The following POU2F2 variants were observed in gnomAD, a reference collection of about 807,000 sequenced individuals.
POU2F2 encodes the protein POU domain, class 2, transcription factor 2.
In POU2F2, 14 loss-of-function variants were observed where a neutral mutation model predicts 63.5. The ratio of observed to expected loss-of-function variants is 0.22; its 90% confidence interval spans 0.15 to 0.34. The LOEUF (loss-of-function observed/expected upper bound fraction) is 0.34. POU2F2 is among the 10% of genes least tolerant of loss of function. The pLI, the probability that POU2F2 is intolerant of heterozygous loss-of-function variation, is 1.00. For synonymous variants in POU2F2, 306 were observed against 348.6 expected, an observed-to-expected ratio of 0.88 and a Z score of 1.36; for missense variants, 607 against 815.2, an observed-to-expected ratio of 0.74 and a Z score of 3.11.
At chr19:42,158,659 G>A (rs1016787587) in intron 2 of POU2F2, among the ~76,000 whole-genome samples, 2 of 152,144 alleles carry the variant, frequency 1.3e-5, no homozygotes, top group Non-Finnish European at 2.9e-5. Flanking sequence ...GCCCTGTTAC[G>A]TGTTACCAAG....
chr19:42,096,930 T>C lies in POU2F2; in HGVS notation c.568-687A>G, dbSNP rs1419737509. On this transcript the variant is annotated intron_variant, in intron 7 of 14. Coordinates refer to ENST00000692977, the MANE Select transcript of POU2F2 (RefSeq NM_001394376.1). The surrounding 1 kb of genome is among the most constrained non-coding windows in gnomAD (Gnocchi z 4.1). ...TATCTCTATATCTTCCACTCAGTTT[T>C]GCTGTGAATCTAAAACAGCTCTTAA... is the stretch of plus-strand genomic sequence containing the variant. 6.6e-6 allele frequency among the ~76,000 whole-genome samples: 1 copy of C among 152,098 alleles called. No individual in the cohort carries two copies. Among genetic ancestry groups the C allele is most frequent in the Non-Finnish European group, 1.5e-5 (1 of 68,014 alleles).
intron 7 of POU2F2, chr19:42,099,281 C>G (rs1308668050): frequency 8.1e-6 from 4 of 490,894 alleles, no homozygotes; most frequent in Non-Finnish European, 1.5e-5. Context: ...ATCATATTCT[C>G]AAAGGAGCTC....
In POU2F2 at chr19:42,087,139, T is replaced by G. The variant is rs1012265384; in HGVS notation, c.*4118A>C. ...AAAAGGTAGCGGAGTTGTCTGTGGG[T>G]TTTTTTTTTTTTTTAAATGGTTAAA... is the stretch of plus-strand genomic sequence containing the variant. On this transcript the variant is annotated 3_prime_UTR_variant, in exon 15 of 15. Coordinates refer to ENST00000692977, the MANE Select transcript of POU2F2 (RefSeq NM_001394376.1). The G allele has an allele frequency of 1.5e-5, 2 of 133,782 alleles. No homozygotes were observed. Among genetic ancestry groups the G allele is most frequent in the Non-Finnish European group, 3.2e-5 (2 of 63,416 alleles). 8.3% of individuals were successfully genotyped at this position (133,782 alleles called of 1,614,324 possible). A position where few individuals can be genotyped will look rare whatever the true frequency, so the allele number is the denominator to read the frequency against.
intron 2 of POU2F2, among the ~76,000 whole-genome samples, chr19:42,151,181 C>G (rs2034341444): frequency 6.6e-6 from 1 of 152,180 alleles, no homozygotes; most frequent in African/African-American, 2.4e-5. Flanking sequence ...GGGGTCAGGC[C>G]ACGTCCCCTC....
intron 2 of POU2F2, among the ~76,000 whole-genome samples, chr19:42,139,637 A>C (rs543823867): frequency 6.6e-6 from 1 of 152,222 alleles, no homozygotes; most frequent in South Asian, 2.1e-4. Context: ...ATAGGGTTTC[A>C]CCATGTTGGC....
At chr19:42,166,618 G>A (rs1471765235) in intron 1 of POU2F2, among the ~76,000 whole-genome samples, 5 of 152,148 alleles carry the variant, frequency 3.3e-5, no homozygotes, top group Non-Finnish European at 7.3e-5. Flanking sequence ...AGGAGGGGAA[G>A]GGCAGCAGTG....
At chr19:42,091,650 C>T in intron 14 of POU2F2, 59 bp from the exon 15 acceptor site, 1 of 1,546,642 alleles carries the variant, frequency 6.5e-7, no homozygotes, top group African/African-American at 1.4e-5. Flanking sequence ...AGACCTTTGC[C>T]TTCCAGCATC....
intron 2 of POU2F2, among the ~76,000 whole-genome samples, chr19:42,158,975 C>T (rs372105313): frequency 9.2e-5 from 14 of 152,236 alleles, no homozygotes; most frequent in East Asian, 3.9e-4. Context: ...ACACTCTCAG[C>T]GATAACAGGG....
intron 1 of POU2F2, among the ~76,000 whole-genome samples, chr19:42,192,362 C>T (rs1320691906): frequency 6.6e-6 from 1 of 152,132 alleles, no homozygotes; most frequent in African/African-American, 2.4e-5. Context: ...TCTGGGTCCT[C>T]AGTCCCTCTT....
intron 1 of POU2F2, among the ~76,000 whole-genome samples, chr19:42,194,031 T>A (rs1172908459): frequency 1.3e-5 from 2 of 152,172 alleles, no homozygotes; most frequent in Non-Finnish European, 2.9e-5. Context: ...ATGGTATGAT[T>A]CCATTTATAT....
chr19:42,157,217 C>T (rs1400144996), intron 2 of POU2F2: 1 of 152,378 alleles, frequency 6.6e-6, no homozygotes, highest in Non-Finnish European at 1.5e-5. Flanking sequence ...CACCCCTTCC[C>T]ATCCACTCGA....
At chr19:42,132,237 AC>A in intron 1 of POU2F2, 146 bp downstream of exon 1, 1 of 849,872 alleles carries the variant, frequency 1.2e-6, no homozygotes, top group Non-Finnish European at 1.8e-6. Flanking sequence ...GTTAGCGGGG[AC>A]CCGGCATGGG....
Position 42,132,248 on chromosome 19 carries a change from G to C in POU2F2, c.28+136C>G, listed in dbSNP as rs995342803. The C allele has an allele frequency of 1.1e-5, 11 of 977,096 alleles. No homozygotes were observed. In the African/African-American group the frequency reaches 1.7e-4, roughly 15 times the overall value. The allele number at this position is 977,096 out of a possible 1,614,324, so 60.5% of individuals were successfully genotyped here. ...GGGGGTTAGCGGGGACCCGGCATGG[G>C]AGAGAGGGAGTTGCTAGAGTACAGA... On this transcript the variant is annotated intron_variant, in intron 1 of 14. Transcript: ENST00000692977.
Position 42,091,151 on chromosome 19 carries a change from T to C in POU2F2, c.*106A>G, listed in dbSNP as rs2076698249. On this transcript the variant is annotated 3_prime_UTR_variant, in exon 15 of 15. Transcript: ENST00000692977. Reference sequence around the variant, plus strand: ...TTGGTCTTTCCTCCCTTGTCACTCCTGCTCTGAGGACCCTCTGCGTCCCCA... The same window carrying C: ...TTGGTCTTTCCTCCCTTGTCACTCCCGCTCTGAGGACCCTCTGCGTCCCCA... The C allele has an allele frequency of 2.0e-6, 2 of 1,020,942 alleles. No homozygotes were observed. Among genetic ancestry groups the C allele is most frequent in the African/African-American group, 3.3e-5 (2 of 59,808 alleles). The allele number at this position is 1,020,942 out of a possible 1,614,324, so 63.2% of individuals were successfully genotyped here.
intron 1 of POU2F2, among the ~76,000 whole-genome samples, chr19:42,186,007 G>A (rs552742838): frequency 1.6e-4 from 24 of 152,102 alleles, no homozygotes; most frequent in African/African-American, 1.2e-4. Context: ...CTCCTGCCTC[G>A]GCCGCCCCAG....
chr19:42,097,192 G>GTTT (rs778449653), intron 7 of POU2F2, among the ~76,000 whole-genome samples: 37 of 117,740 alleles, frequency 3.1e-4, no homozygotes, highest in African/African-American at 3.6e-4. Context: ...GAATTTTTCA[G>GTTT]TTTTTTTTTT....
rs147179344 is a variant in POU2F2, at chr19:42,153,139, G to A, written c.-9+7193C>T. ...TGGGGTGGGAAGCTTGTGCGGCTTC[G>A]GACAGGAGGTTCCAGCGAGAGGTCT... On this transcript the variant is annotated intron_variant, in intron 2 of 6. Transcript: ENST00000524801. The surrounding 1 kb of genome is among the most constrained non-coding windows in gnomAD (Gnocchi z 5.6). Among the ~76,000 whole-genome samples, 1 of 152,316 alleles carries A rather than the reference G, an allele frequency of 6.6e-6. No homozygotes were observed. Among genetic ancestry groups the A allele is most frequent in the East Asian group, 1.9e-4 (1 of 5,192 alleles).
At chr19:42,195,334 T>TC (rs1026816420) in intron 1 of POU2F2, among the ~76,000 whole-genome samples, 3 of 141,996 alleles carry the variant, frequency 2.1e-5, no homozygotes, top group Non-Finnish European at 3.1e-5. Flanking sequence ...CTTTTTCTTT[T>TC]TTTTTTTTTT....
At position 42,091,862 on chromosome 19, in the gene POU2F2, C is replaced by T. The variant is rs1370614413; in HGVS notation, c.1540+5G>A. ...ACGATGGGTGTGACATGAGGCAGCA[C>T]GCACCTTGGATAGTGGCCAAAGGGT... On this transcript the variant is annotated splice_donor_5th_base_variant and intron_variant, in intron 14 of 14. Transcript: ENST00000692977. 2.6e-6 allele frequency: 4 copies of T among 1,538,606 alleles called. No homozygotes were observed. Among genetic ancestry groups the T allele is most frequent in the African/African-American group, 1.4e-5 (1 of 73,022 alleles).
Sources: allele counts gnomAD v4.1 joint callset (sites outside exome capture counted in the v4.1 genomes callset), GRCh38; gene constraint gnomAD v4.1.1; non-coding constraint Gnocchi (gnomAD v3.1); transcripts MANE v1.5; gene names NCBI Gene and HGNC (gene_info 2026-07-23, HGNC 2026-07-21).